Variants in CTIF observed in about 807,000 individuals in gnomAD.
CTIF encodes cap binding complex dependent translation initiation factor.
CTIF carries 21 observed loss-of-function variants against 66.0 expected under a neutral mutation model. The observed-to-expected ratio is 0.32, with a 90% CI of 0.23 to 0.46. The LOEUF (loss-of-function observed/expected upper bound fraction) is 0.46. CTIF is among the 20% of genes least tolerant of loss of function. The probability of loss-of-function intolerance (pLI) is 1.00; values close to 1 mark genes in which losing one functional copy is unlikely to be tolerated. For missense variants in CTIF, 739 were observed against 812.7 expected (o/e 0.91, Z 1.10); for synonymous variants, 345 against 326.4 (o/e 1.06, Z -0.62).
At position 48,670,623 on chromosome 18, in the gene CTIF, A is replaced by G. The variant is rs368580312; in HGVS notation, c.432-46A>G. 2.6e-6 allele frequency: 4 copies of G among 1,552,804 alleles called. No homozygotes were observed. In the African/African-American group the frequency reaches 4.1e-5, roughly 16 times the overall value. The stretch of plus-strand genomic sequence containing the variant: ...CTGCTGGCCGGATGGGACAGGAGGC[A>G]TGAATGAGCCATCTTTCCAATGCCT... On this transcript the variant is annotated intron_variant, in intron 5 of 11. Transcript: ENST00000256413.
At chr18:48,679,895 A>G (rs552781052) in intron 6 of CTIF, among the ~76,000 whole-genome samples, 2 of 152,176 alleles carry the variant, frequency 1.3e-5, no homozygotes, top group Non-Finnish European at 1.5e-5. Flanking sequence ...ATGGGGAGAA[A>G]GAGAATTATG....
chr18:48,752,063 T>C (rs1204835054), intron 7 of CTIF, among the ~76,000 whole-genome samples: 2 of 152,230 alleles, frequency 1.3e-5, no homozygotes, highest in African/African-American at 4.8e-5. Context: ...GAGCATCGTT[T>C]GGCGAGGTAA....
intron 7 of CTIF, among the ~76,000 whole-genome samples, chr18:48,743,250 C>T (rs1390024926): frequency 6.6e-6 from 1 of 152,190 alleles, no homozygotes; most frequent in Non-Finnish European, 1.5e-5. Flanking sequence ...GCCCAACACC[C>T]ATCTGACTCT....
intron 10 of CTIF, among the ~76,000 whole-genome samples, chr18:48,839,235 G>C (rs1599141958): frequency 1.3e-5 from 2 of 151,964 alleles, no homozygotes; most frequent in Admixed American, 1.3e-4. Context: ...CCCTCTCTCT[G>C]AGCACTCCTG....
At position 48,663,801 on chromosome 18, in the gene CTIF, C is replaced by T. The variant is rs1598826951; in HGVS notation, c.302C>T (p.Ala101Val). 4.3e-6 allele frequency: 7 copies of T among 1,614,134 alleles called. No homozygotes were observed. Among genetic ancestry groups the T allele is most frequent in the Admixed American group, 3.3e-5 (2 of 60,030 alleles). Residue 101 changes from alanine (A) to valine (V), a missense_variant, in exon 4 of 12, where the codon GCG becomes GTG. Transcript: ENST00000256413. ...GACATGCTGGGCACGGACATCTGGGCGGCCAACACCTTCGATTCCTTCAGG... is the reference window on the plus strand; with the variant it reads ...GACATGCTGGGCACGGACATCTGGGTGGCCAACACCTTCGATTCCTTCAGG... ...SLDMLGTDIW[A>V]ANTFDSFSGA...
intron 7 of CTIF, among the ~76,000 whole-genome samples, chr18:48,730,672 CTTCTGCGGTGTGAGGAGCCCCTGAGGT>C (rs2092445533): frequency 6.7e-6 from 1 of 148,302 alleles, no homozygotes; most frequent in African/African-American, 2.5e-5. Flanking sequence ...GTGTGAGGGG[CTTCTGCGGTGTGAGGAGCCCCTGAGGT>C]GTGAGGGGCT....
intron 5 of CTIF, among the ~76,000 whole-genome samples, chr18:48,668,658 C>A (rs1233306232): frequency 1.3e-5 from 2 of 152,138 alleles, no homozygotes; most frequent in African/African-American, 2.4e-5. Context: ...AAACTGGCAC[C>A]ACACATGCTC....
chr18:48,611,348 G>A (rs1447285400), intron 1 of CTIF, among the ~76,000 whole-genome samples: 1 of 152,222 alleles, frequency 6.6e-6, no homozygotes, highest in African/African-American at 2.4e-5. Context: ...AGTGTCCACT[G>A]ATCATAATAA....
chr18:48,843,030 C>T (rs1030771285), intron 10 of CTIF, among the ~76,000 whole-genome samples: 2 of 152,088 alleles, frequency 1.3e-5, no homozygotes, highest in Non-Finnish European at 2.9e-5. Flanking sequence ...TGGTGGATGT[C>T]GGGGCTGTGG....
intron 9 of CTIF, among the ~76,000 whole-genome samples, chr18:48,781,381 G>T (rs1305037477): frequency 6.6e-6 from 1 of 152,350 alleles, no homozygotes; most frequent in Admixed American, 6.5e-5. Flanking sequence ...CAAAGAGGGT[G>T]CGGGGGATTT....
chr18:48,856,701 G>A (rs1351122141), intron 10 of CTIF, among the ~76,000 whole-genome samples: 3 of 152,192 alleles, frequency 2.0e-5, no homozygotes, highest in Non-Finnish European at 4.4e-5. Flanking sequence ...TGTCCAGCAC[G>A]GGCAACTCCA....
At chr18:48,626,656 G>GGTT (rs373460550) in intron 2 of CTIF, among the ~76,000 whole-genome samples, 1 of 108,060 alleles carries the variant, frequency 9.3e-6, no homozygotes, top group South Asian at 3.4e-4. Context: ...TTTTTTTTTT[G>GGTT]TTTTTTTTTT....
intron 1 of CTIF, among the ~76,000 whole-genome samples, chr18:48,617,785 C>T (rs775577306): frequency 4.6e-5 from 7 of 152,170 alleles, no homozygotes; most frequent in Non-Finnish European, 7.3e-5. Flanking sequence ...AAAAGGGCAC[C>T]GCCTTGGCCT....
intron 3 of CTIF, among the ~76,000 whole-genome samples, chr18:48,660,834 C>A (rs2091329737): frequency 1.3e-5 from 2 of 152,222 alleles, no homozygotes; most frequent in African/African-American, 4.8e-5. Context: ...CAAGGTGAAT[C>A]ACCATCTTCC....
chr18:48,594,338 C>T (rs563773288), intron 1 of CTIF, among the ~76,000 whole-genome samples: 108 of 150,804 alleles, frequency 7.2e-4, no homozygotes, highest in African/African-American at 2.2e-3. Context: ...CACCCCACCC[C>T]GCCCCAACTG....
chr18:48,836,150 G>A (rs8098836), intron 10 of CTIF, among the ~76,000 whole-genome samples: 60,803 of 149,770 alleles, frequency 0.41, 12,898 homozygotes, highest in African/African-American at 0.56. Context: ...CCCAGCAGCT[G>A]CTTCTCTAAA....
intron 10 of CTIF, 54 bp from the exon 11 acceptor site, chr18:48,857,534 C>T: frequency 6.5e-7 from 1 of 1,540,582 alleles, no homozygotes; most frequent in Non-Finnish European, 8.8e-7. Context: ...AGCTACAGGG[C>T]CCAGTAGCCG....
At chr18:48,687,207 G>A (rs1158160769) in intron 6 of CTIF, among the ~76,000 whole-genome samples, 4 of 151,850 alleles carry the variant, frequency 2.6e-5, no homozygotes, top group Admixed American at 2.6e-4. Flanking sequence ...CTGAGCCCTG[G>A]ACAGGTTGTA....
At chr18:48,551,718 A>T (rs1023353184) in intron 1 of CTIF, among the ~76,000 whole-genome samples, 1 of 152,156 alleles carries the variant, frequency 6.6e-6, no homozygotes, top group African/African-American at 2.4e-5. Flanking sequence ...GCATTTGGGC[A>T]GTGGGGAGAT....
Sources: allele counts gnomAD v4.1 joint callset (sites outside exome capture counted in the v4.1 genomes callset), GRCh38; gene constraint gnomAD v4.1.1; transcripts MANE v1.5; gene names NCBI Gene and HGNC (gene_info 2026-07-23, HGNC 2026-07-21).